NEGR1: variants seen among roughly 807,000 people sequenced by gnomAD.
The protein encoded by NEGR1 is neuronal growth regulator 1.
In NEGR1, 10 loss-of-function variants were observed where a neutral mutation model predicts 40.9. That is an observed-to-expected ratio of 0.24 (90% CI 0.15 to 0.42). The LOEUF (loss-of-function observed/expected upper bound fraction) is 0.42. Ranked by LOEUF, NEGR1 falls within the 10% of genes least tolerant of loss-of-function variation. NEGR1 has a pLI of 1.00. For missense variants in NEGR1, 352 were observed against 438.9 expected (o/e 0.80, Z 1.77); for synonymous variants, 185 against 166.8 (o/e 1.11, Z -0.84).
intron 1 of NEGR1, among the ~76,000 whole-genome samples, chr1:72,234,269 G>T (rs1675351): frequency 0.097 from 14,710 of 152,082 alleles, 1,825 homozygotes; most frequent in African/African-American, 0.29. Context: ...GTTTGCTAAA[G>T]ATAATGGTCT....
chr1:71,419,504 TAAC>T (rs1310586206), intron 6 of NEGR1, among the ~76,000 whole-genome samples: 2 of 152,188 alleles, frequency 1.3e-5, no homozygotes, highest in Non-Finnish European at 2.9e-5. Flanking sequence ...ATACTCTTAA[TAAC>T]AACAACAACA....
At chr1:72,137,367 T>C (rs750060519) in intron 1 of NEGR1, among the ~76,000 whole-genome samples, 7 of 152,012 alleles carry the variant, frequency 4.6e-5, no homozygotes, top group Non-Finnish European at 8.8e-5. Context: ...AGTGATAGAC[T>C]AGATAAAGAA....
At chr1:72,192,044 AT>A (rs1652837755) in intron 1 of NEGR1, among the ~76,000 whole-genome samples, 1 of 151,960 alleles carries the variant, frequency 6.6e-6, no homozygotes, top group African/African-American at 2.4e-5. Flanking sequence ...AAGAAAGTAC[AT>A]TTATAAAATA....
At chr1:72,037,777 T>C (rs1316588296) in intron 1 of NEGR1, among the ~76,000 whole-genome samples, 2 of 152,166 alleles carry the variant, frequency 1.3e-5, no homozygotes, top group East Asian at 1.9e-4. Context: ...TTTTATTTAA[T>C]ATTATGCAAC....
intron 1 of NEGR1, among the ~76,000 whole-genome samples, chr1:72,084,771 C>G (rs572528660): frequency 6.6e-6 from 1 of 152,202 alleles, no homozygotes; most frequent in South Asian, 2.1e-4. Flanking sequence ...CACCTACCTT[C>G]AGAGAAACTC....
intron 4 of NEGR1, among the ~76,000 whole-genome samples, chr1:71,628,828 G>T (rs1650877242): frequency 6.6e-6 from 1 of 152,042 alleles, no homozygotes; most frequent in Non-Finnish European, 1.5e-5. Context: ...TGAACATTTG[G>T]GTTGGTTCCA....
At chr1:71,624,499 G>T (rs565070379) in intron 4 of NEGR1, among the ~76,000 whole-genome samples, 1 of 151,988 alleles carries the variant, frequency 6.6e-6, no homozygotes, top group South Asian at 2.1e-4. Context: ...CATTACAATG[G>T]TTTATAAGTC....
intron 2 of NEGR1, among the ~76,000 whole-genome samples, chr1:71,844,740 G>T (rs557463382): frequency 6.6e-5 from 10 of 152,300 alleles, no homozygotes; most frequent in African/African-American, 2.4e-4. Context: ...AGCTCAGGGT[G>T]ACTTCAGTAG....
chr1:71,788,583 A>G (rs1448468594), intron 2 of NEGR1, among the ~76,000 whole-genome samples: 1 of 152,102 alleles, frequency 6.6e-6, no homozygotes, highest in Non-Finnish European at 1.5e-5. Flanking sequence ...AGATATTCTT[A>G]ATTCTCTTTA....
intron 4 of NEGR1, among the ~76,000 whole-genome samples, chr1:71,615,612 T>C (rs1650423164): frequency 6.6e-6 from 1 of 152,180 alleles, no homozygotes; most frequent in Non-Finnish European, 1.5e-5. Flanking sequence ...CATCATTGCT[T>C]GAGTAGAATA....
intron 1 of NEGR1, among the ~76,000 whole-genome samples, chr1:72,014,960 T>C (rs1646695969): frequency 6.6e-6 from 1 of 152,062 alleles, no homozygotes; most frequent in Non-Finnish European, 1.5e-5. Context: ...AGGCATTTGG[T>C]TGTCATTGAA....
rs919181539 is a variant in NEGR1, at chr1:71,404,096, T to C, written c.*3350A>G. 2.1e-5 allele frequency: 5 copies of C among 243,458 alleles called. No individual in the cohort carries two copies. Among genetic ancestry groups the C allele is most frequent in the East Asian group, 7.0e-5 (1 of 14,348 alleles). 15.1% of individuals were successfully genotyped at this position (243,458 alleles called of 1,614,324 possible). A position where few individuals can be genotyped will look rare whatever the true frequency, so the allele number is the denominator to read the frequency against. On this transcript the variant is annotated 3_prime_UTR_variant, in exon 7 of 7. Transcript: ENST00000357731. Reference sequence around the variant, plus strand: ...CAGTAAATTTGATCATTATAGATGATTGACTTTGATAATTCAGTTTTTCAG... The same window carrying C: ...CAGTAAATTTGATCATTATAGATGACTGACTTTGATAATTCAGTTTTTCAG...
chr1:71,856,366 A>T (rs1659760132), intron 2 of NEGR1, among the ~76,000 whole-genome samples: 2 of 152,094 alleles, frequency 1.3e-5, no homozygotes, highest in South Asian at 2.1e-4. Context: ...TAAGCACATG[A>T]TGGCAGATGA....
intron 6 of NEGR1, among the ~76,000 whole-genome samples, chr1:71,501,968 G>C (rs139911642): frequency 5.9e-5 from 9 of 152,204 alleles, no homozygotes; most frequent in African/African-American, 2.2e-4. Context: ...GGCAAAATAC[G>C]TTGAAATAAA....
intron 1 of NEGR1, among the ~76,000 whole-genome samples, chr1:72,043,832 T>C (rs972835976): frequency 1.3e-5 from 2 of 151,854 alleles, no homozygotes; most frequent in African/African-American, 4.8e-5. Flanking sequence ...TTTGTATTAG[T>C]ACATGCAAGG....
At chr1:71,624,478 A>T (rs756691456) in intron 4 of NEGR1, among the ~76,000 whole-genome samples, 10 of 151,990 alleles carry the variant, frequency 6.6e-5, no homozygotes, top group Non-Finnish European at 5.9e-5. Flanking sequence ...TTTCAGAATA[A>T]GAGCCAAATT....
At chr1:72,026,391 A>G (rs1187816439) in intron 1 of NEGR1, among the ~76,000 whole-genome samples, 1 of 149,854 alleles carries the variant, frequency 6.7e-6, no homozygotes, top group Non-Finnish European at 1.5e-5. Context: ...TTTTTTCTCC[A>G]AAGGAGTTGG....
At chr1:71,797,452 A>G (rs1657381393) in intron 2 of NEGR1, among the ~76,000 whole-genome samples, 1 of 151,772 alleles carries the variant, frequency 6.6e-6, no homozygotes, top group Non-Finnish European at 1.5e-5. Flanking sequence ...CTGCCTTGAA[A>G]CTCTGGTGCT....
intron 6 of NEGR1, among the ~76,000 whole-genome samples, chr1:71,418,322 T>A (rs906566128): frequency 2.0e-5 from 3 of 151,136 alleles, no homozygotes; most frequent in Admixed American, 1.3e-4. Context: ...TTATTATATA[T>A]ATATTTTTTG....
Sources: allele counts gnomAD v4.1 joint callset (sites outside exome capture counted in the v4.1 genomes callset), GRCh38; gene constraint gnomAD v4.1.1; transcripts MANE v1.5; gene names NCBI Gene and HGNC (gene_info 2026-07-23, HGNC 2026-07-21).